The following LUZP2 variants were observed in gnomAD, a reference collection of about 807,000 sequenced individuals.
LUZP2 encodes the protein leucine zipper protein 2.
LUZP2 carries 52 observed loss-of-function variants against 51.6 expected under a neutral mutation model. The ratio of observed to expected loss-of-function variants is 1.01; its 90% CI spans 0.81 to 1.27. LUZP2 has a LOEUF of 1.27. Ranked by LOEUF, LUZP2 falls within the 50% of genes most tolerant of loss-of-function variation. The pLI, the probability that LUZP2 is intolerant of heterozygous loss-of-function variation, is 0.00. For missense variants in LUZP2, 436 were observed against 395.4 expected (o/e 1.10, Z -0.87); for synonymous variants, 154 against 137.3 (o/e 1.12, Z -0.85).
chr11:24,565,077 G>T (rs1852170859), intron 1 of LUZP2, among the ~76,000 whole-genome samples: 1 of 152,144 alleles, frequency 6.6e-6, no homozygotes, highest in Non-Finnish European at 1.5e-5. Flanking sequence ...TATCCTTAGT[G>T]AATTAGTAAG....
intron 9 of LUZP2, among the ~76,000 whole-genome samples, chr11:25,002,220 T>G (rs1343038665): frequency 1.3e-5 from 2 of 152,252 alleles, no homozygotes; most frequent in Admixed American, 1.3e-4. Context: ...CTTTCAAGTA[T>G]GGTTACATCA....
At chr11:24,544,634 T>C (rs1435026982) in intron 1 of LUZP2, among the ~76,000 whole-genome samples, 1 of 152,154 alleles carries the variant, frequency 6.6e-6, no homozygotes, top group Non-Finnish European at 1.5e-5. Context: ...TATGGCTGTG[T>C]AGTATTCAAT....
intron 1 of LUZP2, among the ~76,000 whole-genome samples, chr11:24,547,517 G>A (rs1190169009): frequency 6.6e-6 from 1 of 152,082 alleles, no homozygotes; most frequent in Non-Finnish European, 1.5e-5. Flanking sequence ...TTAGTCATAT[G>A]CAAAAGATTG....
chr11:25,070,536 G>A (rs922776912), intron 10 of LUZP2, among the ~76,000 whole-genome samples: 1 of 106,934 alleles, frequency 9.4e-6, no homozygotes, highest in Non-Finnish European at 2.1e-5. Flanking sequence ...CTATCAAGAG[G>A]AGGTTGTTAT....
At chr11:24,903,235 A>G (rs1014021908) in intron 5 of LUZP2, among the ~76,000 whole-genome samples, 1 of 152,104 alleles carries the variant, frequency 6.6e-6, no homozygotes, top group Non-Finnish European at 1.5e-5. Context: ...GATTCTTTTT[A>G]AAAAAAGAAC....
At chr11:24,769,706 T>TTTG (rs1554988285) in intron 5 of LUZP2, among the ~76,000 whole-genome samples, 1 of 148,216 alleles carries the variant, frequency 6.7e-6, no homozygotes, top group Admixed American at 6.7e-5. Context: ...TTTTTTTTTT[T>TTTG]GGGATTATAA....
At chr11:24,610,449 A>T (rs1854081930) in intron 1 of LUZP2, among the ~76,000 whole-genome samples, 1 of 152,212 alleles carries the variant, frequency 6.6e-6, no homozygotes, top group Non-Finnish European at 1.5e-5. Context: ...CTGTGATTAG[A>T]AAACATTGCT....
At chr11:24,862,247 C>G (rs1030438852) in intron 5 of LUZP2, among the ~76,000 whole-genome samples, 6 of 152,144 alleles carry the variant, frequency 3.9e-5, no homozygotes, top group African/African-American at 1.4e-4. Context: ...CAAAATTCAG[C>G]ATTCTTAAAG....
chr11:25,012,884 G>C (rs1857024038), intron 9 of LUZP2, among the ~76,000 whole-genome samples: 1 of 151,988 alleles, frequency 6.6e-6, no homozygotes, highest in African/African-American at 2.4e-5. Flanking sequence ...TCAACCCAAA[G>C]GAAAAGAAAG....
intron 1 of LUZP2, among the ~76,000 whole-genome samples, chr11:24,571,118 A>C (rs544042125): frequency 6.0e-4 from 92 of 152,254 alleles, no homozygotes; most frequent in Non-Finnish European, 9.4e-4. Flanking sequence ...ATGGGTTGCC[A>C]CAAGAAGCAG....
chr11:24,801,217 G>C (rs1247299788), intron 5 of LUZP2, among the ~76,000 whole-genome samples: 1 of 151,988 alleles, frequency 6.6e-6, no homozygotes, highest in Non-Finnish European at 1.5e-5. Context: ...TCTCAGCAGG[G>C]GTAAATTTTA....
intron 4 of LUZP2, among the ~76,000 whole-genome samples, chr11:24,761,260 A>C (rs1859967976): frequency 6.6e-6 from 1 of 152,228 alleles, no homozygotes; most frequent in South Asian, 2.1e-4. Context: ...GCAGCTTCAC[A>C]TGGGCAGAAC....
At position 24,798,211 on chromosome 11, in the gene LUZP2, T is replaced by A. The variant is rs566087827; in HGVS notation, c.396+34903T>A. Among the ~76,000 whole-genome samples, 104 of 149,966 alleles carry A rather than the reference T, an allele frequency of 6.9e-4. 4 individuals are homozygous for A. The East Asian group carries it at 0.019, about 27-fold the overall frequency. ...GGGGCATCTTATATTTCTTTTTTTTTATTATTTATGTATTTATCTATTGGA... is the reference window on the plus strand; with the variant it reads ...GGGGCATCTTATATTTCTTTTTTTTAATTATTTATGTATTTATCTATTGGA... On this transcript the variant is annotated intron_variant, in intron 5 of 11. Coordinates refer to ENST00000336930, the MANE Select transcript of LUZP2 (RefSeq NM_001009909.4).
intron 1 of LUZP2, among the ~76,000 whole-genome samples, chr11:24,654,679 G>A (rs1159216542): frequency 1.9e-5 from 2 of 107,268 alleles, no homozygotes; most frequent in Admixed American, 1.5e-4. Flanking sequence ...CGTGCACCAC[G>A]AGGCCTGGCT....
chr11:24,774,379 T>TACAC (rs1433049185), intron 5 of LUZP2, among the ~76,000 whole-genome samples: 7 of 106,436 alleles, frequency 6.6e-5, no homozygotes, highest in Non-Finnish European at 9.1e-5. Flanking sequence ...TATATATATA[T>TACAC]ATACATACAC....
intron 7 of LUZP2, among the ~76,000 whole-genome samples, chr11:24,920,144 CA>C (rs1853991760): frequency 6.6e-6 from 1 of 151,940 alleles, no homozygotes; most frequent in East Asian, 1.9e-4. Context: ...TCCCAAGTCA[CA>C]AAAAATTCAA....
At chr11:24,633,165 A>T (rs1854953372) in intron 1 of LUZP2, among the ~76,000 whole-genome samples, 1 of 151,990 alleles carries the variant, frequency 6.6e-6, no homozygotes, top group African/African-American at 2.4e-5. Context: ...ATTTTTCCAC[A>T]TTTATTTACA....
At chr11:24,872,756 T>A (rs953173089) in intron 5 of LUZP2, among the ~76,000 whole-genome samples, 3 of 152,190 alleles carry the variant, frequency 2.0e-5, no homozygotes, top group Non-Finnish European at 2.9e-5. Flanking sequence ...TTGCTTTTTT[T>A]ATTTACAAAG....
At chr11:24,696,401 A>C (rs1565082810) in intron 1 of LUZP2, among the ~76,000 whole-genome samples, 1 of 152,146 alleles carries the variant, frequency 6.6e-6, no homozygotes, top group African/African-American at 2.4e-5. Context: ...ATACAATGTT[A>C]ATTCAATTAT....
Sources: gnomAD v4.1 joint callset for allele counts (sites outside exome capture counted in the v4.1 genomes callset) on GRCh38, gnomAD v4.1.1 for gene constraint, MANE v1.5 for transcripts, NCBI Gene and HGNC (gene_info 2026-07-23, HGNC 2026-07-21) for gene names.